CHAF1A: variants seen among roughly 807,000 people sequenced by gnomAD.
CHAF1A encodes chromatin assembly factor 1 subunit A.
CHAF1A carries 5 observed loss-of-function variants against 93.2 expected under a neutral mutation model. The ratio of observed to expected loss-of-function variants is 0.05; its 90% CI spans 0.03 to 0.11. The LOEUF is 0.11. CHAF1A is among the 10% of genes least tolerant of loss of function. CHAF1A has a pLI of 1.00. For synonymous variants in CHAF1A, 504 were observed against 510.3 expected (o/e 0.99, Z 0.17); for missense variants, 1,102 against 1,259.9 (o/e 0.87, Z 1.90).
rs1017489824 is a variant in CHAF1A, at chr19:4,443,319, G to A, written c.*294G>A. On this transcript the variant is annotated 3_prime_UTR_variant, in exon 15 of 15. Transcript: ENST00000301280. Reference sequence around the variant, plus strand: ...CCAATACTTGTAAATGAATTGAAGCGTCAGGACCACCCGCCTGGCCACGTG... The same window carrying A: ...CCAATACTTGTAAATGAATTGAAGCATCAGGACCACCCGCCTGGCCACGTG... 22 of 393,636 alleles carry A rather than the reference G, an allele frequency of 5.6e-5. No individual in the cohort carries two copies. The highest frequency in any genetic ancestry group is 1.8e-4 in the East Asian group (3 of 17,044). 24.4% of individuals were successfully genotyped at this position (393,636 alleles called of 1,614,324 possible).
chr19:4,433,111 G>A lies in CHAF1A; in HGVS notation c.2245G>A (p.Gly749Arg), dbSNP rs761903668. 1 of 1,605,552 alleles carries A rather than the reference G, an allele frequency of 6.2e-7. No individual in the cohort carries two copies. Among genetic ancestry groups the A allele is most frequent in the Non-Finnish European group, 8.5e-7 (1 of 1,173,480 alleles). Residue 749 changes from glycine (G) to arginine (R), a missense_variant, in exon 13 of 15, where the codon GGG becomes AGG. Gly to Arg is a moderately radical substitution (Grantham distance 125, BLOSUM62 -2). Around this residue, in one of 6 missense-constraint regions of CHAF1A, gnomAD observed 335 missense variants for 361.9 expected, o/e 0.93. Transcript: ENST00000301280. The surrounding 1 kb of genome is among the most constrained non-coding windows in gnomAD (Gnocchi z 5.6). ...GCCGCTCCTGCACGGCAATGTGAAC[G>A]GGAGCAAGGTCATCATCCGGGAGTT... ...LLPLLHGNVN[G>R]SKVIIREFQE...
chr19:4,407,584 A>G (rs897535437), intron 2 of CHAF1A, among the ~76,000 whole-genome samples: 2 of 152,244 alleles, frequency 1.3e-5, no homozygotes, highest in African/African-American at 4.8e-5. Flanking sequence ...TGCATCTGAA[A>G]TAAACAAATG....
At position 4,432,203 on chromosome 19, in the gene CHAF1A, G is replaced by A. The variant is rs769414831; in HGVS notation, c.2199G>A (p.Glu733=). 1.9e-6 allele frequency: 3 copies of A among 1,603,442 alleles called. No individual in the cohort carries two copies. The highest frequency in any genetic ancestry group is 2.2e-5 in the East Asian group (1 of 44,618). The change falls in exon 12 of 15, where the codon GAG becomes GAA. Residue 733 remains glutamate (E), a synonymous_variant. Coordinates refer to ENST00000301280, the MANE Select transcript of CHAF1A (RefSeq NM_005483.3). ...CCTCCAAGCGGGAGAGGAGAGACGA[G>A]CAGAGTGAGTGTGGGCGGGGCCAGG... is the stretch of plus-strand genomic sequence containing the variant. ...PKASKRERRD[E]QILAQLLPLL...
At chr19:4,445,943 C>T, downstream of CHAF1A, 1 of 1,489,538 alleles carries the variant, frequency 6.7e-7, no homozygotes, top group South Asian at 1.3e-5. Context: ...TGCCCAGGCC[C>T]CCTGCTCTGA....
chr19:4,448,644 T>C, downstream of CHAF1A: 1 of 566,572 alleles, frequency 1.8e-6, no homozygotes, highest in South Asian at 2.0e-5. Context: ...AAGTCTCCCC[T>C]TCCGCCTTCT....
chr19:4,407,223 AAAC>A (rs1382098710), intron 2 of CHAF1A, among the ~76,000 whole-genome samples: 1 of 148,026 alleles, frequency 6.8e-6, no homozygotes, highest in Non-Finnish European at 1.5e-5. Context: ...GTCTCAAAAC[AAAC>A]AACTCCCCCC....
intron 6 of CHAF1A, 69 bp from the exon 7 acceptor site, chr19:4,423,737 T>G: frequency 6.8e-7 from 1 of 1,466,912 alleles, no homozygotes; most frequent in South Asian, 1.1e-5. Context: ...TGGGGGCCTT[T>G]GCATGTTTTG....
At chr19:4,431,381 G>A (rs949145451) in intron 11 of CHAF1A, among the ~76,000 whole-genome samples, 4 of 152,028 alleles carry the variant, frequency 2.6e-5, no homozygotes, top group Admixed American at 6.6e-5. Flanking sequence ...CACCCGCCTC[G>A]GCCTCCCAGA....
intron 13 of CHAF1A, among the ~76,000 whole-genome samples, chr19:4,435,283 G>T (rs1974263709): frequency 6.6e-6 from 1 of 151,026 alleles, no homozygotes; most frequent in Admixed American, 6.6e-5. Flanking sequence ...GTAGAGACGG[G>T]GTTTTACCGT....
chr19:4,442,461 C>A, intron 14 of CHAF1A, 120 bp downstream of exon 14: 1 of 851,716 alleles, frequency 1.2e-6, no homozygotes, highest in Non-Finnish European at 1.9e-6. Context: ...GGAGGGCTTG[C>A]AGCTGGAAGT....
At chr19:4,427,053 T>C (rs1222520802) in intron 7 of CHAF1A, among the ~76,000 whole-genome samples, 1 of 141,834 alleles carries the variant, frequency 7.1e-6, no homozygotes, top group Non-Finnish European at 1.5e-5. Context: ...ATTGCACCAC[T>C]GTACTCCAGG....
rs1599632287 is a variant in CHAF1A at position 4,402,652 on chromosome 19, CGGCGGCCGCGGCGGCAGCAGCGGCGCG to C, written c.-105_-79del. ...CCGCGGTTCCCGCCAAATACGAGCG[CGGCGGCCGCGGCGGCAGCAGCGGCGCG>C]GGCGGGAGGGCGAAGAGCAGCGGCC... On this transcript the variant is annotated 5_prime_UTR_variant, in exon 1 of 15. Transcript: ENST00000301280. 11 of 672,184 alleles carry C rather than the reference CGGCGGCCGCGGCGGCAGCAGCGGCGCG, an allele frequency of 1.6e-5. No homozygotes were observed. The highest frequency in any genetic ancestry group is 2.2e-5 in the Non-Finnish European group (11 of 498,462). 41.6% of individuals were successfully genotyped at this position (672,184 alleles called of 1,614,324 possible).
chr19:4,429,799 GC>G lies in CHAF1A; in HGVS notation c.1854+15del, dbSNP rs761922396. On this transcript the variant is annotated intron_variant, in intron 10 of 14. Coordinates refer to ENST00000301280, the MANE Select transcript of CHAF1A (RefSeq NM_005483.3). ...TCCCACAGTGAGGGGGTAAGGATGT[GC>G]CCCAGCTGTCTTCACTCACAGACGG... 8.7e-6 allele frequency: 14 copies of G among 1,605,478 alleles called. No homozygotes were observed. In the South Asian group the frequency reaches 1.6e-4, roughly 18 times the overall value.
intron 3 of CHAF1A, among the ~76,000 whole-genome samples, chr19:4,411,472 C>T (rs1973796664): frequency 6.6e-6 from 1 of 152,020 alleles, no homozygotes; most frequent in Non-Finnish European, 1.5e-5. Flanking sequence ...TCAGGTAATC[C>T]ACCCGCCTTG....
At chr19:4,415,379 A>AG (rs1019824620) in intron 3 of CHAF1A, among the ~76,000 whole-genome samples, 2 of 152,068 alleles carry the variant, frequency 1.3e-5, no homozygotes, top group Admixed American at 6.6e-5. Context: ...CTCACAGCAG[A>AG]GGGGGGGCAT....
chr19:4,442,843 C>T (rs1270226652), intron 14 of CHAF1A, 82 bp from the exon 15 acceptor site: 4 of 1,052,492 alleles, frequency 3.8e-6, no homozygotes, highest in African/African-American at 1.6e-5. Flanking sequence ...TTGCAGGCCC[C>T]ATGAGGCAGC....
chr19:4,443,234 G>C lies in CHAF1A; in HGVS notation c.*209G>C. Reference sequence around the variant, plus strand: ...GCATATGAATCTGCCCTTTAATAAAGCATTATTGAGATTGCTGGCCTATTG... The same window carrying C: ...GCATATGAATCTGCCCTTTAATAAACCATTATTGAGATTGCTGGCCTATTG... On this transcript the variant is annotated 3_prime_UTR_variant, in exon 15 of 15. Coordinates refer to ENST00000301280, the MANE Select transcript of CHAF1A (RefSeq NM_005483.3). 1 of 559,002 alleles carries C rather than the reference G, an allele frequency of 1.8e-6. No individual in the cohort carries two copies. The highest frequency in any genetic ancestry group is 3.3e-6 in the Non-Finnish European group (1 of 305,700). The allele number at this position is 559,002 out of a possible 1,614,324, so 34.6% of individuals were successfully genotyped here.
chr19:4,421,827 G>A (rs1021072324), intron 4 of CHAF1A, among the ~76,000 whole-genome samples: 2 of 151,850 alleles, frequency 1.3e-5, no homozygotes, highest in Non-Finnish European at 1.5e-5. Context: ...GCTCCTCCTG[G>A]AGCTGGTCTC....
chr19:4,430,537 TC>T lies in CHAF1A; in HGVS notation c.1855-11del. 4.6e-6 allele frequency: 7 copies of T among 1,536,602 alleles called. No individual in the cohort carries two copies. Among genetic ancestry groups the T allele is most frequent in the South Asian group, 3.4e-5 (3 of 89,480 alleles). On this transcript the variant is annotated splice_polypyrimidine_tract_variant and intron_variant, in intron 10 of 14. Transcript: ENST00000301280. ...TCTATCTGATGAACTCTTTTTTTTT[TC>T]TCCTTTTGAGGATGATGATGACGAC...
Sources: allele counts gnomAD v4.1 joint callset (sites outside exome capture counted in the v4.1 genomes callset), GRCh38; gene constraint gnomAD v4.1.1; regional missense constraint gnomAD v4.1.1; non-coding constraint Gnocchi (gnomAD v3.1); transcripts MANE v1.5; gene names NCBI Gene and HGNC (gene_info 2026-07-23, HGNC 2026-07-21).